Variants in TMEM132B observed in about 807,000 individuals in gnomAD.
TMEM132B encodes the protein transmembrane protein 132B.
A neutral mutation model predicts 90.8 loss-of-function variants in TMEM132B; 18 were observed. That is an observed-to-expected ratio of 0.20 (90% CI 0.14 to 0.29). The LOEUF is 0.29. Ranked by LOEUF, TMEM132B falls within the 10% of genes least tolerant of loss-of-function variation. The pLI, the probability that TMEM132B is intolerant of heterozygous loss-of-function variation, is 1.00. For synonymous variants in TMEM132B, 504 were observed against 523.3 expected (o/e 0.96, Z 0.50); for missense variants, 1,096 against 1,326.8 (o/e 0.83, Z 2.70).
intron 4 of TMEM132B, among the ~76,000 whole-genome samples, chr12:125,558,387 T>G (rs923478815): frequency 1.3e-5 from 2 of 152,192 alleles, no homozygotes; most frequent in Admixed American, 1.3e-4. Context: ...GAATTCACAT[T>G]GACATCATCA....
At chr12:125,429,803 G>A (rs1346905340) in intron 3 of TMEM132B, among the ~76,000 whole-genome samples, 17 of 152,104 alleles carry the variant, frequency 1.1e-4, no homozygotes, top group Admixed American at 9.2e-4. Context: ...TATGACTGTC[G>A]ACCTTGATGG....
Position 125,660,731 on chromosome 12 carries a change from A to G in TMEM132B, c.*6021A>G, listed in dbSNP as rs1413655110. ...ATGTTATCAACTTACAATATTGGAC[A>G]ATCTTCATATTCTATGAGATGCCTT... On this transcript the variant is annotated 3_prime_UTR_variant, in exon 9 of 9. Coordinates refer to ENST00000682704, the MANE Select transcript of TMEM132B (RefSeq NM_001366854.1). 2 of 152,366 alleles carry G rather than the reference A, an allele frequency of 1.3e-5. No individual in the cohort carries two copies. The highest frequency in any genetic ancestry group is 4.1e-4 in the South Asian group (2 of 4,828). The allele number at this position is 152,366 out of a possible 1,614,324, so 9.4% of individuals were successfully genotyped here.
intron 1 of TMEM132B, among the ~76,000 whole-genome samples, chr12:125,272,255 T>G (rs1278249371): frequency 6.6e-6 from 1 of 152,224 alleles, no homozygotes; most frequent in African/African-American, 2.4e-5. Flanking sequence ...TGTGGAGGGC[T>G]TTGAATTCCG....
intron 3 of TMEM132B, among the ~76,000 whole-genome samples, chr12:125,431,470 G>A (rs1335246230): frequency 1.3e-5 from 2 of 152,196 alleles, no homozygotes; most frequent in East Asian, 1.9e-4. Context: ...CAGAAGGTGA[G>A]AGTGTCAGGA....
In TMEM132B at chr12:125,407,831, T is replaced by C. The variant is rs996731460; in HGVS notation, c.960-7700T>C. Among the ~76,000 whole-genome samples the C allele has an allele frequency of 6.6e-6, 1 of 152,262 alleles. No individual in the cohort carries two copies. The highest frequency in any genetic ancestry group is 1.5e-5 in the Non-Finnish European group (1 of 68,050). On this transcript the variant is annotated intron_variant, in intron 2 of 8. Transcript: ENST00000682704. This position sits in a 1 kb window ranked among gnomAD's most constrained non-coding sequence, Gnocchi z 6.7. ...AACGTGGGCAGTGGTGGAGCCACCA[T>C]GTCCTCCTGGCTCTGACTTACGTCC...
intron 3 of TMEM132B, among the ~76,000 whole-genome samples, chr12:125,457,132 G>A (rs1471860925): frequency 1.3e-5 from 2 of 152,140 alleles, no homozygotes; most frequent in South Asian, 2.1e-4. Flanking sequence ...TTATTCACTC[G>A]CTCTGATGAT....
chr12:125,629,784 A>G (rs373995045), intron 5 of TMEM132B, among the ~76,000 whole-genome samples: 7 of 152,218 alleles, frequency 4.6e-5, no homozygotes, highest in African/African-American at 1.4e-4. Flanking sequence ...TCTGTGGTAT[A>G]TGGCTTTTAT....
intron 3 of TMEM132B, among the ~76,000 whole-genome samples, chr12:125,505,179 A>AAAAAC (rs1882809353): frequency 2.8e-5 from 4 of 140,826 alleles, no homozygotes; most frequent in Admixed American, 7.7e-5. Context: ...AAAAAAAAAA[A>AAAAAC]AAAAAAAAAA....
At chr12:125,330,247 C>T (rs1036047814) in intron 1 of TMEM132B, among the ~76,000 whole-genome samples, 7 of 152,126 alleles carry the variant, frequency 4.6e-5, no homozygotes, top group Non-Finnish European at 1.0e-4. Flanking sequence ...CCCTTTCTCC[C>T]CTAAGCCTAT....
At chr12:125,331,765 A>T (rs894432605) in intron 1 of TMEM132B, among the ~76,000 whole-genome samples, 6 of 152,182 alleles carry the variant, frequency 3.9e-5, no homozygotes, top group African/African-American at 1.4e-4. Context: ...TTTATTTGAT[A>T]CATTTGGAGA....
rs533797546 is a variant in TMEM132B, at chr12:125,349,608, T to G, written c.224T>G (p.Val75Gly). The change falls in exon 2 of 9, where the codon GTG becomes GGG. Residue 75 changes from valine (V) to glycine (G), a missense_variant. Transcript: ENST00000682704. The surrounding 1 kb of genome is among the most constrained non-coding windows in gnomAD (Gnocchi z 4.1). ...LTRNSSLQAR[V>G]EPFFIYRART... ...AGGAACTCCAGTCTGCAGGCCCGGG[T>G]GGAGCCATTCTTCATCTACCGAGCC... 1 of 1,613,974 alleles carries G rather than the reference T, an allele frequency of 6.2e-7. No individual in the cohort carries two copies. Among genetic ancestry groups the G allele is most frequent in the South Asian group, 1.1e-5 (1 of 91,042 alleles).
At chr12:125,469,934 CT>C (rs1424099128) in intron 3 of TMEM132B, among the ~76,000 whole-genome samples, 1 of 152,160 alleles carries the variant, frequency 6.6e-6, no homozygotes, top group Non-Finnish European at 1.5e-5. Context: ...CTAGGAAATG[CT>C]GTTTAGCAGT....
At chr12:125,557,040 C>A (rs1884406423) in intron 4 of TMEM132B, among the ~76,000 whole-genome samples, 1 of 152,142 alleles carries the variant, frequency 6.6e-6, no homozygotes, top group African/African-American at 2.4e-5. Context: ...GACTTACGTG[C>A]CTTGTGTGTG....
At position 125,457,027 on chromosome 12, in the gene TMEM132B, C is replaced by G. The variant is rs1207949833; in HGVS notation, c.1106+41350C>G. Among the ~76,000 whole-genome samples the G allele has an allele frequency of 3.9e-5, 6 of 152,154 alleles. No homozygotes were observed. In the East Asian group the frequency reaches 1.2e-3, roughly 29 times the overall value. On this transcript the variant is annotated intron_variant, in intron 3 of 8. Transcript: ENST00000682704. ...CCTCCCCTCCCTGCTGCAGGCAGGT[C>G]TGGCTGGAGATGCTCCTGAGTGGGC... is the stretch of plus-strand genomic sequence containing the variant.
chr12:125,273,497 G>A (rs917993050), intron 1 of TMEM132B, among the ~76,000 whole-genome samples: 2 of 152,186 alleles, frequency 1.3e-5, no homozygotes, highest in South Asian at 2.1e-4. Context: ...TGAGGTGAGA[G>A]GATCTCTTGA....
At chr12:125,317,760 C>A (rs970295766) in intron 1 of TMEM132B, among the ~76,000 whole-genome samples, 1 of 152,162 alleles carries the variant, frequency 6.6e-6, no homozygotes, top group African/African-American at 2.4e-5. Flanking sequence ...GGCCCCAGAC[C>A]TGCCCTCCTT....
chr12:125,233,979 T>G (rs1873878411), intron 1 of TMEM132B, among the ~76,000 whole-genome samples: 1 of 152,228 alleles, frequency 6.6e-6, no homozygotes, highest in Non-Finnish European at 1.5e-5. Context: ...TTTCTCTTAC[T>G]GGCTTCTTAT....
In TMEM132B at chr12:125,654,028, C is replaced by T; in HGVS notation, c.2570C>T (p.Ser857Phe). The T allele has an allele frequency of 6.2e-7, 1 of 1,614,204 alleles. No individual in the cohort carries two copies. Among genetic ancestry groups the T allele is most frequent in the Non-Finnish European group, 8.5e-7 (1 of 1,180,034 alleles). ...ESTNKSTTPQ[S>F]PMEGKNKLLK... is the part of the protein sequence containing the mutation. ...ACCAACAAAAGCACAACCCCCCAGT[C>T]TCCCATGGAAGGGAAGAATAAGTTA... is the stretch of plus-strand genomic sequence containing the variant. The change falls in exon 9 of 9, where the codon TCT (serine) becomes TTT (phenylalanine). Residue 857 changes from serine (S) to phenylalanine (F), a missense_variant. Ser to Phe is a radical substitution (Grantham distance 155). Coordinates refer to ENST00000682704, the MANE Select transcript of TMEM132B (RefSeq NM_001366854.1). The surrounding 1 kb of genome is among the most constrained non-coding windows in gnomAD (Gnocchi z 5.8).
intron 3 of TMEM132B, among the ~76,000 whole-genome samples, chr12:125,482,388 G>T (rs536722506): frequency 1.1e-4 from 17 of 152,212 alleles, no homozygotes; most frequent in African/African-American, 4.1e-4. Flanking sequence ...AATCTACAAA[G>T]AACTTAAACT....
Sources: gnomAD v4.1 joint callset for allele counts (sites outside exome capture counted in the v4.1 genomes callset) on GRCh38, gnomAD v4.1.1 for gene constraint, Gnocchi (gnomAD v3.1) non-coding constraint, MANE v1.5 for transcripts, NCBI Gene and HGNC (gene_info 2026-07-23, HGNC 2026-07-21) for gene names.